Variants in MGST2 observed in about 807,000 individuals in gnomAD.
MGST2 encodes the protein glutathione peroxidase MGST2.
Under a neutral mutation model 16.6 loss-of-function variants are expected in MGST2, and 9 were observed. The ratio of observed to expected loss-of-function variants is 0.54; its 90% CI spans 0.33 to 0.95. The LOEUF (loss-of-function observed/expected upper bound fraction) is 0.95. MGST2 is among the 40% of genes least tolerant of loss of function. The pLI, the probability that MGST2 is intolerant of heterozygous loss-of-function variation, is 0.03. For missense variants in MGST2, 159 were observed against 175.1 expected (o/e 0.91, Z 0.52); for synonymous variants, 79 against 68.0 (o/e 1.16, Z -0.79).
At chr4:139,678,954 C>A (rs1731103086) in intron 2 of MGST2, 1 of 433,794 alleles carries the variant, frequency 2.3e-6, no homozygotes, top group Non-Finnish European at 4.2e-6. Flanking sequence ...CCTTGTGAGA[C>A]CACAATAGTC....
At chr4:139,727,847 A>G (rs755244299) in intron 5 of MGST2, among the ~76,000 whole-genome samples, 8 of 152,290 alleles carry the variant, frequency 5.3e-5, no homozygotes, top group Non-Finnish European at 1.0e-4. Flanking sequence ...TCCAAAATCC[A>G]AAGTGTGAGG....
At chr4:139,725,905 C>G (rs1002168861) in intron 5 of MGST2, 2 of 1,295,938 alleles carry the variant, frequency 1.5e-6, no homozygotes, top group Non-Finnish European at 2.2e-6. Flanking sequence ...AATATCCCAG[C>G]AGTTCCGAGG....
At chr4:139,752,732 T>G in the MGST2 span, among the ~76,000 whole-genome samples, 1 of 152,024 alleles carries the variant, frequency 6.6e-6, no homozygotes, top group Non-Finnish European at 1.5e-5. Context: ...CAATCGAAGA[T>G]CGCAGCACTA....
intron 5 of MGST2, among the ~76,000 whole-genome samples, chr4:139,731,616 C>T (rs1560773846): frequency 6.6e-6 from 1 of 150,402 alleles, no homozygotes. Context: ...GACTCTTTCT[C>T]AAAAAAAAAG....
intron 5 of MGST2, among the ~76,000 whole-genome samples, chr4:139,712,219 C>T (rs1171863782): frequency 2.0e-5 from 3 of 152,122 alleles, no homozygotes; most frequent in African/African-American, 7.2e-5. Context: ...TGCAATGTGC[C>T]CAGAATTAGA....
In MGST2 at chr4:139,665,860, C is replaced by T; in HGVS notation, c.-160C>T. ...GGCAGCCCCAGACCTGCCTGCCTTC[C>T]TGACTTCTGTTCCAGAGCAAAGGTC... On this transcript the variant is annotated 5_prime_UTR_variant, in exon 1 of 5. Transcript: ENST00000265498. 1 of 736,266 alleles carries T rather than the reference C, an allele frequency of 1.4e-6. No individual in the cohort carries two copies. Among genetic ancestry groups the T allele is most frequent in the Non-Finnish European group, 2.4e-6 (1 of 414,514 alleles). The allele number at this position is 736,266 out of a possible 1,614,324, so 45.6% of individuals were successfully genotyped here.
At chr4:139,737,193 G>A (rs186334721) in intron 5 of MGST2, among the ~76,000 whole-genome samples, 1 of 152,260 alleles carries the variant, frequency 6.6e-6, no homozygotes, top group Admixed American at 6.5e-5. Flanking sequence ...ATGATTTGAG[G>A]AAAGTTCCCT....
At chr4:139,686,648 C>T (rs1393515078) in intron 2 of MGST2, among the ~76,000 whole-genome samples, 1 of 152,014 alleles carries the variant, frequency 6.6e-6, no homozygotes, top group African/African-American at 2.4e-5. Flanking sequence ...TATTTTTATA[C>T]TTAACCTTTA....
intron 5 of MGST2, among the ~76,000 whole-genome samples, chr4:139,720,700 G>A (rs1342470899): frequency 6.6e-6 from 1 of 152,202 alleles, no homozygotes; most frequent in Non-Finnish European, 1.5e-5. Flanking sequence ...TACTTCAGAA[G>A]CAAATTATTT....
At chr4:139,720,229 T>G (rs1187136905) in intron 5 of MGST2, 2 of 1,612,240 alleles carry the variant, frequency 1.2e-6, no homozygotes, top group Non-Finnish European at 8.5e-7. Context: ...AGGGTCCTAT[T>G]CCCATCATGC....
intron 5 of MGST2, among the ~76,000 whole-genome samples, chr4:139,716,117 C>G (rs1460248348): frequency 6.6e-6 from 1 of 152,216 alleles, no homozygotes; most frequent in Non-Finnish European, 1.5e-5. Flanking sequence ...TGCAGTAGAG[C>G]TCTGGAGCAA....
chr4:139,696,691 A>G (rs745621858), intron 3 of MGST2, among the ~76,000 whole-genome samples: 4 of 152,184 alleles, frequency 2.6e-5, no homozygotes, highest in Non-Finnish European at 5.9e-5. Flanking sequence ...AGTGTCATGC[A>G]CAACGCCTGT....
intron 5 of MGST2, among the ~76,000 whole-genome samples, chr4:139,737,065 C>T (rs2111010932): frequency 6.6e-6 from 1 of 152,260 alleles, no homozygotes; most frequent in East Asian, 1.9e-4. Flanking sequence ...GCTGTGGAGG[C>T]TGAGGAGCAT....
At chr4:139,686,812 A>G (rs1002673152) in intron 2 of MGST2, among the ~76,000 whole-genome samples, 3 of 152,348 alleles carry the variant, frequency 2.0e-5, no homozygotes, top group East Asian at 3.9e-4. Context: ...GGGAGACACT[A>G]TGCTATTTAT....
chr4:139,666,047 G>A lies in MGST2; in HGVS notation c.28G>A (p.Ala10Thr). ...GGCCGGGAACTCGATCCTGCTGGCT[G>A]CTGTCTCTATTCTCTCGGCCTGTCA... MAGNSILLA[A>T]VSILSACQQS... is the part of the protein sequence containing the mutation. Residue 10 changes from alanine (A) to threonine (T), a missense_variant, in exon 1 of 5, where the codon GCT becomes ACT. Physicochemically the swap from Ala to Thr is moderately conservative, Grantham distance 58. Transcript: ENST00000265498. The A allele has an allele frequency of 6.2e-7, 1 of 1,614,110 alleles. No homozygotes were observed. The highest frequency in any genetic ancestry group is 8.5e-7 in the Non-Finnish European group (1 of 1,180,022).
chr4:139,699,488 C>A (rs1312563177), intron 3 of MGST2, among the ~76,000 whole-genome samples: 3 of 151,962 alleles, frequency 2.0e-5, no homozygotes, highest in Non-Finnish European at 2.9e-5. Context: ...TTGTGACAGA[C>A]CTTTTTCCTA....
intron 2 of MGST2, among the ~76,000 whole-genome samples, chr4:139,684,106 A>C (rs2110840821): frequency 6.6e-6 from 1 of 151,946 alleles, no homozygotes; most frequent in South Asian, 2.1e-4. Flanking sequence ...TTGTATTTTT[A>C]ATGGAGACAG....
chr4:139,743,043 TC>T (rs1280952245), downstream of MGST2, among the ~76,000 whole-genome samples: 1 of 152,158 alleles, frequency 6.6e-6, no homozygotes, highest in Non-Finnish European at 1.5e-5. Context: ...CCCTCATTTT[TC>T]CCCAAAAGCT....
downstream of MGST2, among the ~76,000 whole-genome samples, chr4:139,708,941 G>T (rs567722184): frequency 2.7e-5 from 4 of 149,712 alleles, no homozygotes; most frequent in South Asian, 8.5e-4. Flanking sequence ...GGAGGTTGTG[G>T]TGAGCGGAGA....
Sources: allele counts gnomAD v4.1 joint callset (sites outside exome capture counted in the v4.1 genomes callset), GRCh38; gene constraint gnomAD v4.1.1; transcripts MANE v1.5; gene names NCBI Gene and HGNC (gene_info 2026-07-23, HGNC 2026-07-21).